Variants in WDPCP observed in about 807,000 individuals in gnomAD.
WDPCP encodes the protein WD repeat-containing and planar cell polarity effector protein fritz homolog.
A neutral mutation model predicts 93.1 loss-of-function variants in WDPCP; 71 were observed. That is an observed-to-expected ratio of 0.76 (90% CI 0.63 to 0.93). WDPCP has a LOEUF of 0.93. Among genes scored for constraint, WDPCP ranks in the 40% least tolerant of loss-of-function variants. The pLI, the probability that WDPCP is intolerant of heterozygous loss-of-function variation, is 0.00. For missense variants in WDPCP, 844 were observed against 887.4 expected (o/e 0.95, Z 0.62); for synonymous variants, 315 against 315.0 (o/e 1.00, Z 0.00).
intron 17 of WDPCP, among the ~76,000 whole-genome samples, chr2:63,131,300 A>G (rs1229680599): frequency 6.9e-6 from 1 of 144,794 alleles, no homozygotes; most frequent in Non-Finnish European, 1.5e-5. Flanking sequence ...TAATCCATTG[A>G]TTTTTTTTTA....
Position 63,376,137 on chromosome 2 carries a change from G to A in WDPCP, c.1748+2249C>T, listed in dbSNP as rs1691836823. ...AAACAAAAGAATGGTTCCAACTTAA[G>A]CTATCTCATTTAATTTCTTCAAAAC... On this transcript the variant is annotated intron_variant, in intron 12 of 17. Coordinates refer to ENST00000272321, the MANE Select transcript of WDPCP (RefSeq NM_015910.7). 2.0e-5 allele frequency among the ~76,000 whole-genome samples: 3 copies of A among 151,844 alleles called. No individual in the cohort carries two copies. The South Asian group carries it at 6.2e-4, about 32-fold the overall frequency.
chr2:63,142,383 C>G (rs552724936), intron 17 of WDPCP, among the ~76,000 whole-genome samples: 1 of 152,240 alleles, frequency 6.6e-6, no homozygotes, highest in African/African-American at 2.4e-5. Context: ...ATCTTGATTT[C>G]ATTTTTGACT....
chr2:63,767,394 G>T (rs1385982431), intron 2 of WDPCP, among the ~76,000 whole-genome samples: 1 of 152,036 alleles, frequency 6.6e-6, no homozygotes, highest in Non-Finnish European at 1.5e-5. Flanking sequence ...GTGGATGTAT[G>T]GCTTAACTTT....
chr2:63,611,249 T>G (rs1242476316), intron 3 of WDPCP, among the ~76,000 whole-genome samples: 1 of 152,242 alleles, frequency 6.6e-6, no homozygotes, highest in African/African-American at 2.4e-5. Context: ...TTTACTACTA[T>G]AAAGATGCTG....
chr2:63,511,598 T>C lies in WDPCP; in HGVS notation c.76-18658A>G, dbSNP rs555303748. On this transcript the variant is annotated intron_variant, in intron 1 of 17. Coordinates refer to ENST00000272321, the MANE Select transcript of WDPCP (RefSeq NM_015910.7). ...GAGGCCTCAGAAATAATACTACACA[T>C]CTACAACCATCTGGTCTTTGACAAA... Among the ~76,000 whole-genome samples, 7 of 152,110 alleles carry C rather than the reference T, an allele frequency of 4.6e-5. No homozygotes were observed. The East Asian group carries it at 1.2e-3, about 25-fold the overall frequency.
chr2:63,557,963 A>G (rs1238533394), intron 1 of WDPCP, among the ~76,000 whole-genome samples: 1 of 152,174 alleles, frequency 6.6e-6, no homozygotes, highest in African/African-American at 2.4e-5. Context: ...ACAAAGAGAA[A>G]ACATAACAGA....
rs542529234 is a variant in WDPCP at position 63,278,732 on chromosome 2, A to G, written c.1813-19323T>C. ...GTCCCAGCTACCAGGAGGCTGAGGC[A>G]GAAGAATGGTGTGAACCTGGGAGGC... On this transcript the variant is annotated intron_variant, in intron 13 of 17. Transcript: ENST00000272321. Among the ~76,000 whole-genome samples the G allele has an allele frequency of 1.2e-4, 18 of 152,304 alleles. No homozygotes were observed. The South Asian group carries it at 3.5e-3, about 30-fold the overall frequency.
rs547360845 is a variant in WDPCP, at chr2:63,512,822, C to A, written c.76-19882G>T. 8.9e-4 allele frequency among the ~76,000 whole-genome samples: 135 copies of A among 151,936 alleles called. 1 individual carries two copies. The highest frequency in any genetic ancestry group is 8.7e-3 in the Admixed American group (133 of 15,262). On this transcript the variant is annotated intron_variant, in intron 1 of 17. Coordinates refer to ENST00000272321, the MANE Select transcript of WDPCP (RefSeq NM_015910.7). Reference sequence around the variant, plus strand: ...TGGGTTGATGGGTTCAGCAAACCACCATGGCACATGTATACCTATGTAACA... The same window carrying A: ...TGGGTTGATGGGTTCAGCAAACCACAATGGCACATGTATACCTATGTAACA...
chr2:63,532,735 G>T (rs920868177), intron 1 of WDPCP, among the ~76,000 whole-genome samples: 1 of 152,108 alleles, frequency 6.6e-6, no homozygotes, highest in Non-Finnish European at 1.5e-5. Flanking sequence ...GGAACAAATG[G>T]TACCAGCCAC....
intron 10 of WDPCP, among the ~76,000 whole-genome samples, chr2:63,395,527 C>T (rs1273791381): frequency 1.3e-5 from 2 of 152,144 alleles, no homozygotes; most frequent in African/African-American, 4.8e-5. Flanking sequence ...ATAATGGCCT[C>T]TAGCTCCATC....
chr2:63,633,340 G>A (rs1709884307), intron 3 of WDPCP, among the ~76,000 whole-genome samples: 1 of 152,120 alleles, frequency 6.6e-6, no homozygotes, highest in Admixed American at 6.5e-5. Context: ...GCTAATTATT[G>A]TAATAGTATA....
intron 3 of WDPCP, among the ~76,000 whole-genome samples, chr2:63,634,415 C>T (rs142524692): frequency 0.011 from 1,616 of 152,178 alleles, 20 homozygotes; most frequent in Middle Eastern, 0.031. Flanking sequence ...TATGGCAATA[C>T]AATAATAGTA....
chr2:63,467,620 T>C (rs557980469), intron 6 of WDPCP, among the ~76,000 whole-genome samples: 1 of 151,526 alleles, frequency 6.6e-6, no homozygotes, highest in South Asian at 2.1e-4. Context: ...CTACTAAAAA[T>C]AAAAAATTAG....
chr2:63,262,762 G>A (rs1681758027), intron 13 of WDPCP, among the ~76,000 whole-genome samples: 1 of 152,010 alleles, frequency 6.6e-6, no homozygotes, highest in Non-Finnish European at 1.5e-5. Context: ...CTAGGGAATT[G>A]GGGTCGTCGA....
chr2:63,817,413 A>G (rs966559350), intron 1 of WDPCP, among the ~76,000 whole-genome samples: 9 of 152,170 alleles, frequency 5.9e-5, no homozygotes, highest in African/African-American at 2.2e-4. Context: ...CAGCCAAGCT[A>G]CTACATTTTA....
intron 3 of WDPCP, among the ~76,000 whole-genome samples, chr2:63,603,050 C>T (rs1371340527): frequency 7.0e-6 from 1 of 142,236 alleles, no homozygotes; most frequent in Non-Finnish European, 1.5e-5. Flanking sequence ...ACCTCCGCCT[C>T]CCAGGTTCAA....
At chr2:63,313,421 A>G (rs1233264085) in intron 12 of WDPCP, 110 bp from the exon 13 acceptor site, 3 of 1,113,918 alleles carry the variant, frequency 2.7e-6, no homozygotes, top group African/African-American at 3.1e-5. Context: ...TCTGATTGGA[A>G]AAATATTTTC....
chr2:63,395,392 C>A (rs1447907140), intron 10 of WDPCP, among the ~76,000 whole-genome samples: 1 of 152,162 alleles, frequency 6.6e-6, no homozygotes, highest in African/African-American at 2.4e-5. Context: ...CCCACTCTCT[C>A]ACCTTTTGGA....
chr2:63,755,084 C>T (rs1403216566), intron 2 of WDPCP, among the ~76,000 whole-genome samples: 2 of 152,146 alleles, frequency 1.3e-5, no homozygotes, highest in Admixed American at 6.6e-5. Flanking sequence ...GCCCTCATGA[C>T]GTAGTAGCTG....
Sources: allele counts gnomAD v4.1 joint callset (sites outside exome capture counted in the v4.1 genomes callset), GRCh38; gene constraint gnomAD v4.1.1; transcripts MANE v1.5; gene names NCBI Gene and HGNC (gene_info 2026-07-23, HGNC 2026-07-21).